TRMT1L: variants seen among roughly 807,000 people sequenced by gnomAD.
The protein encoded by TRMT1L is tRNA (guanine(27)-N(2))-dimethyltransferase.
TRMT1L carries 28 observed loss-of-function variants against 81.6 expected under a neutral mutation model. That is an observed-to-expected ratio of 0.34 (90% CI 0.25 to 0.47). The LOEUF (loss-of-function observed/expected upper bound fraction) is 0.47. Ranked by LOEUF, TRMT1L falls within the 20% of genes least tolerant of loss-of-function variation. The pLI, the probability that TRMT1L is intolerant of heterozygous loss-of-function variation, is 1.00. For synonymous variants in TRMT1L, 301 were observed against 303.2 expected, an observed-to-expected ratio of 0.99 and a Z score of 0.07; for missense variants, 739 against 877.1, an observed-to-expected ratio of 0.84 and a Z score of 1.99.
chr1:185,147,019 T>C (rs116142639), intron 4 of TRMT1L, among the ~76,000 whole-genome samples, 163 bp downstream of exon 4: 2 of 149,344 alleles, frequency 1.3e-5, no homozygotes, highest in African/African-American at 5.0e-5. Context: ...TTTTTTTTCA[T>C]ACATTTCATA....
chr1:185,155,545 AT>A (rs1335924755), intron 1 of TRMT1L, among the ~76,000 whole-genome samples: 1 of 152,254 alleles, frequency 6.6e-6, no homozygotes, highest in African/African-American at 2.4e-5. Flanking sequence ...CTAACCTTTT[AT>A]AAATATTAAA....
intron 3 of TRMT1L, among the ~76,000 whole-genome samples, chr1:185,148,225 G>A (rs1653239596): frequency 6.6e-6 from 1 of 151,960 alleles, no homozygotes; most frequent in African/African-American, 2.4e-5. Context: ...CATTCTTCCT[G>A]AACTCCAGAT....
chr1:185,147,209 T>C lies in TRMT1L; in HGVS notation c.498A>G (p.Pro166=), dbSNP rs375162886. 2 of 1,610,864 alleles carry C rather than the reference T, an allele frequency of 1.2e-6. No individual in the cohort carries two copies. The highest frequency in any genetic ancestry group is 1.7e-4 in the Middle Eastern group (1 of 6,040). Reference sequence around the variant, plus strand: ...GTTCTCCAATAATGTTTGGTTTCACTGGTCGACAAGGTAAGTGACAGATGC... The same window carrying C: ...GTTCTCCAATAATGTTTGGTTTCACCGGTCGACAAGGTAAGTGACAGATGC... ...RMCICHLPCR[P]VKPNIIGEQI... Residue 166 remains proline (P), a synonymous_variant, in exon 4 of 15, where the codon CCA becomes CCG. Transcript: ENST00000367506.
chr1:185,123,901 A>G lies in TRMT1L; in HGVS notation c.1778T>C (p.Ile593Thr), dbSNP rs995007513. The G allele has an allele frequency of 8.0e-6, 12 of 1,508,234 alleles. No individual in the cohort carries two copies. The highest frequency in any genetic ancestry group is 1.4e-5 in the African/African-American group (1 of 71,258). 93.4% of individuals were successfully genotyped at this position (1,508,234 alleles called of 1,614,324 possible). A position where few individuals can be genotyped will look rare whatever the true frequency, so the allele number is the denominator to read the frequency against. The change falls in exon 13 of 15, where the codon ATT becomes ACT. Residue 593 changes from isoleucine to threonine, a missense_variant. Transcript: ENST00000367506. ...TGTTGTGGTGTCATCTGTAGTTTTA[A>G]TAAATACACCATTTTCTTCTAAAAA... ...VNKQEENGVF[I>T]KTTDDTTTDN...
At chr1:185,150,810 C>T (rs1349342931) in intron 2 of TRMT1L, among the ~76,000 whole-genome samples, 1 of 152,194 alleles carries the variant, frequency 6.6e-6, no homozygotes, top group African/African-American at 2.4e-5. Context: ...GAGAGCATCA[C>T]TCTGTATTTT....
rs1652462488 is a variant in TRMT1L, at chr1:185,120,133, G to A, written c.2088C>T (p.Tyr696=). The A allele has an allele frequency of 6.2e-7, 1 of 1,613,902 alleles. No individual in the cohort carries two copies. The highest frequency in any genetic ancestry group is 1.1e-5 in the South Asian group (1 of 91,088). Reference sequence around the variant, plus strand: ...CATGGCTTTCTGACTGTCCTCCAGTGTAGGTGGGGGTGCTGTACTTTAAAA... The same window carrying A: ...CATGGCTTTCTGACTGTCCTCCAGTATAGGTGGGGGTGCTGTACTTTAAAA... ...SILLKYSTPT[Y]TGGQSESHVQ... is the part of the protein sequence containing the mutation. The change falls in exon 15 of 15, where the codon TAC becomes TAT. Residue 696 remains tyrosine, a synonymous_variant. Coordinates refer to ENST00000367506, the MANE Select transcript of TRMT1L (RefSeq NM_030934.5).
chr1:185,134,407 G>A (rs150679082), intron 10 of TRMT1L, among the ~76,000 whole-genome samples: 202 of 152,284 alleles, frequency 1.3e-3, no homozygotes, highest in African/African-American at 4.6e-3. Flanking sequence ...GGCCAGTTTC[G>A]AACTCCTGAC....
Position 185,119,784 on chromosome 1 carries a change from G to C in TRMT1L, c.*235C>G. 1 of 417,572 alleles carries C rather than the reference G, an allele frequency of 2.4e-6. No homozygotes were observed. The allele number at this position is 417,572 out of a possible 1,614,324, so 25.9% of individuals were successfully genotyped here. A position where few individuals can be genotyped will look rare whatever the true frequency, so the allele number is the denominator to read the frequency against. On this transcript the variant is annotated 3_prime_UTR_variant, in exon 15 of 15. Coordinates refer to ENST00000367506, the MANE Select transcript of TRMT1L (RefSeq NM_030934.5). Reference sequence around the variant, plus strand: ...CAGTAGGGTGATCTCAGTGAGACTTGGCTTCATATGAAATGTTTCCATTAA... The same window carrying C: ...CAGTAGGGTGATCTCAGTGAGACTTCGCTTCATATGAAATGTTTCCATTAA...
Position 185,156,717 on chromosome 1 carries a change from A to G in TRMT1L, c.-5T>C. 3 of 1,611,762 alleles carry G rather than the reference A, an allele frequency of 1.9e-6. No homozygotes were observed. In the South Asian group the frequency reaches 3.3e-5, roughly 18 times the overall value. Reference sequence around the variant, plus strand: ...CTCCTCCGCCATATTCTCCATAGTTACCGCCTCCGTGCCAAGCCCGCCCGG... The same window carrying G: ...CTCCTCCGCCATATTCTCCATAGTTGCCGCCTCCGTGCCAAGCCCGCCCGG... On this transcript the variant is annotated 5_prime_UTR_variant, in exon 1 of 15. Transcript: ENST00000367506.
chr1:185,119,861 A>C lies in TRMT1L; in HGVS notation c.*158T>G. On this transcript the variant is annotated 3_prime_UTR_variant, in exon 15 of 15. Transcript: ENST00000367506. The stretch of plus-strand genomic sequence containing the variant: ...AAAAACTTGGAAAGCAAAGCTCCCA[A>C]ACCAGCTAAGTTAGAAACTGCTCAG... 1 of 925,900 alleles carries C rather than the reference A, an allele frequency of 1.1e-6. No homozygotes were observed. Among genetic ancestry groups the C allele is most frequent in the African/African-American group, 1.6e-5 (1 of 60,714 alleles). The allele number at this position is 925,900 out of a possible 1,614,324, so 57.4% of individuals were successfully genotyped here. A position where few individuals can be genotyped will look rare whatever the true frequency, so the allele number is the denominator to read the frequency against.
chr1:185,144,355 C>T (rs2102250542), intron 5 of TRMT1L, among the ~76,000 whole-genome samples: 1 of 152,060 alleles, frequency 6.6e-6, no homozygotes, highest in African/African-American at 2.4e-5. Flanking sequence ...TAGGAAAGCA[C>T]AAAATCCTAA....
Position 185,140,161 on chromosome 1 carries a change from G to A in TRMT1L, c.921C>T (p.Asp307=), listed in dbSNP as rs1180726988. ...TCAGTGTCACAGAATTTTCATTCAA[G>A]TCATTGATTGTAACTTTGACTGCAT... ...LGNAVKVTIN[D]LNENSVTLIQ... The change falls in exon 8 of 15, where the codon GAC becomes GAT. Residue 307 remains aspartate (D), a synonymous_variant. Transcript: ENST00000367506. 5 of 1,613,646 alleles carry A rather than the reference G, an allele frequency of 3.1e-6. No homozygotes were observed. In the South Asian group the frequency reaches 5.5e-5, roughly 18 times the overall value.
chr1:185,123,083 A>G (rs946404884), intron 13 of TRMT1L, among the ~76,000 whole-genome samples: 1 of 152,230 alleles, frequency 6.6e-6, no homozygotes, highest in Non-Finnish European at 1.5e-5. Context: ...AAATTAGTTG[A>G]AGATGCCAAA....
chr1:185,128,067 T>G (rs1054477104), intron 11 of TRMT1L, among the ~76,000 whole-genome samples: 1 of 152,030 alleles, frequency 6.6e-6, no homozygotes, highest in South Asian at 2.1e-4. Context: ...TGAGCCGATA[T>G]TGCGCCACTG....
At chr1:185,128,447 C>G (rs1039800559) in intron 11 of TRMT1L, among the ~76,000 whole-genome samples, 1 of 152,182 alleles carries the variant, frequency 6.6e-6, no homozygotes, top group Non-Finnish European at 1.5e-5. Context: ...TCTTTTACCT[C>G]CATTGCCTCT....
intron 13 of TRMT1L, among the ~76,000 whole-genome samples, chr1:185,122,260 A>G (rs1652518392): frequency 6.6e-6 from 1 of 152,216 alleles, no homozygotes; most frequent in African/African-American, 2.4e-5. Context: ...TATCTTTGAC[A>G]GAATGAATTA....
intron 10 of TRMT1L, among the ~76,000 whole-genome samples, chr1:185,133,596 C>CTT (rs780906966): frequency 2.9e-5 from 4 of 137,908 alleles, no homozygotes; most frequent in African/African-American, 8.0e-5. Flanking sequence ...TTCTGACTTG[C>CTT]TTTTTTTTTT....
chr1:185,140,917 G>A (rs1428691618), intron 7 of TRMT1L, among the ~76,000 whole-genome samples: 3 of 147,258 alleles, frequency 2.0e-5, no homozygotes, highest in African/African-American at 7.6e-5. Flanking sequence ...GGTCCAGACT[G>A]AAGTGAGTCG....
At chr1:185,156,965 A>G, upstream of TRMT1L, 1 of 553,724 alleles carries the variant, frequency 1.8e-6, no homozygotes, top group South Asian at 2.1e-5. Context: ...ACGCCACCAC[A>G]AACTGCGCAG....
Sources: allele counts gnomAD v4.1 joint callset (sites outside exome capture counted in the v4.1 genomes callset), GRCh38; gene constraint gnomAD v4.1.1; transcripts MANE v1.5; gene names NCBI Gene and HGNC (gene_info 2026-07-23, HGNC 2026-07-21).